The following OSBPL1A variants were observed in gnomAD, a reference collection of about 807,000 sequenced individuals.
OSBPL1A encodes oxysterol binding protein like 1A.
In OSBPL1A, 80 loss-of-function variants were observed where a neutral mutation model predicts 137.1. That is an observed-to-expected ratio of 0.58 (90% CI 0.49 to 0.70). The LOEUF is 0.70. Among genes scored for constraint, OSBPL1A ranks in the 30% least tolerant of loss-of-function variants. The probability of loss-of-function intolerance (pLI) is 0.00; values close to 1 mark genes in which losing one functional copy is unlikely to be tolerated. For missense variants in OSBPL1A, 970 were observed against 1,129.4 expected (o/e 0.86, Z 2.02); for synonymous variants, 365 against 389.7 (o/e 0.94, Z 0.75).
chr18:24,297,032 A>T (rs538477061), intron 14 of OSBPL1A, among the ~76,000 whole-genome samples: 6 of 152,124 alleles, frequency 3.9e-5, no homozygotes, highest in African/African-American at 7.2e-5. Flanking sequence ...TTTAGGGAGG[A>T]TTCCTTCTTT....
chr18:24,346,546 C>T (rs2091348685), intron 4 of OSBPL1A, among the ~76,000 whole-genome samples: 1 of 152,142 alleles, frequency 6.6e-6, no homozygotes, highest in African/African-American at 2.4e-5. Context: ...CTGGACATTT[C>T]TATAAATAAA....
intron 15 of OSBPL1A, among the ~76,000 whole-genome samples, chr18:24,252,705 T>C (rs1953779797): frequency 6.6e-6 from 1 of 152,124 alleles, no homozygotes; most frequent in African/African-American, 2.4e-5. Flanking sequence ...TTGTGGTGTG[T>C]AAACTACACC....
At chr18:24,281,598 C>T (rs1459664912) in intron 14 of OSBPL1A, among the ~76,000 whole-genome samples, 4 of 151,832 alleles carry the variant, frequency 2.6e-5, no homozygotes, top group African/African-American at 9.7e-5. Context: ...ACAACGTTGG[C>T]CAGGCTGGTC....
intron 1 of OSBPL1A, among the ~76,000 whole-genome samples, chr18:24,390,620 G>T (rs1436418612): frequency 6.9e-6 from 1 of 144,066 alleles, no homozygotes; most frequent in Non-Finnish European, 1.5e-5. Context: ...ACTTCAACCT[G>T]GGAGGCAGAG....
chr18:24,175,119 T>TATATATATATAC (rs2086405252), intron 21 of OSBPL1A, among the ~76,000 whole-genome samples: 1 of 128,538 alleles, frequency 7.8e-6, no homozygotes, highest in African/African-American at 3.5e-5. Flanking sequence ...TATATATATA[T>TATATATATATAC]ATATATATAT....
chr18:24,376,732 G>A (rs559981936), intron 2 of OSBPL1A, among the ~76,000 whole-genome samples: 2 of 152,368 alleles, frequency 1.3e-5, no homozygotes, highest in East Asian at 1.9e-4. Flanking sequence ...CCCGCAGGAA[G>A]GCAGCTAAGG....
intron 4 of OSBPL1A, among the ~76,000 whole-genome samples, chr18:24,344,839 G>A (rs1599693288): frequency 6.6e-6 from 1 of 152,164 alleles, no homozygotes; most frequent in Non-Finnish European, 1.5e-5. Flanking sequence ...GGGGGGAGAC[G>A]GTCTAGCTCT....
At chr18:24,392,902 G>A (rs1347195389) in intron 1 of OSBPL1A, among the ~76,000 whole-genome samples, 1 of 152,104 alleles carries the variant, frequency 6.6e-6, no homozygotes, top group Admixed American at 6.5e-5. Context: ...CATTGCCCAG[G>A]CTGGTCTCGA....
At chr18:24,248,444 C>G (rs2088970590) in intron 15 of OSBPL1A, among the ~76,000 whole-genome samples, 1 of 152,200 alleles carries the variant, frequency 6.6e-6, no homozygotes, top group Non-Finnish European at 1.5e-5. Flanking sequence ...CCCTTTCTTA[C>G]AGGCATTGCC....
chr18:24,208,036 C>T (rs1019073861), intron 17 of OSBPL1A, among the ~76,000 whole-genome samples: 4 of 152,296 alleles, frequency 2.6e-5, no homozygotes, highest in Admixed American at 2.0e-4. Flanking sequence ...TGAACCACCG[C>T]GCCCTGCCTA....
chr18:24,197,298 G>A (rs1204055493), intron 17 of OSBPL1A, among the ~76,000 whole-genome samples: 1 of 151,992 alleles, frequency 6.6e-6, no homozygotes, highest in Non-Finnish European at 1.5e-5. Flanking sequence ...AGTGAGCCGA[G>A]GTCACGCCAT....
intron 4 of OSBPL1A, among the ~76,000 whole-genome samples, chr18:24,351,815 T>C (rs564583499): frequency 1.3e-5 from 2 of 152,214 alleles, no homozygotes; most frequent in East Asian, 3.8e-4. Flanking sequence ...GCTGGGATTA[T>C]AGGCGTGAGC....
intron 21 of OSBPL1A, among the ~76,000 whole-genome samples, chr18:24,175,576 T>C (rs577961908): frequency 2.0e-5 from 3 of 152,352 alleles, no homozygotes; most frequent in South Asian, 2.1e-4. Flanking sequence ...AAATAATTTT[T>C]ACTATTCTAT....
In OSBPL1A at chr18:24,312,042, A is replaced by G. The variant is rs1178444974; in HGVS notation, c.1034T>C (p.Leu345Pro). Residue 345 changes from leucine to proline, a missense_variant, in exon 13 of 28, where the codon CTG becomes CCG. Leu to Pro is a moderately conservative substitution (Grantham distance 98). Transcript: ENST00000319481. The stretch of plus-strand genomic sequence containing the variant: ...CGTATCTTCCTCCTCCTCATCAGTC[A>G]GCTGGTCCTGGGAACAGTAGTGAGT... ...YSTHYCSQDQ[L>P]TDEEEEDTVS... The G allele has an allele frequency of 6.2e-7, 1 of 1,614,130 alleles. No homozygotes were observed. Among genetic ancestry groups the G allele is most frequent in the Admixed American group, 1.7e-5 (1 of 60,018 alleles).
chr18:24,348,476 A>T (rs2091384321), intron 4 of OSBPL1A, among the ~76,000 whole-genome samples: 1 of 152,214 alleles, frequency 6.6e-6, no homozygotes, highest in Non-Finnish European at 1.5e-5. Flanking sequence ...TATACAATAC[A>T]TAAAAACACC....
chr18:24,254,708 TA>T (rs2089217569), intron 15 of OSBPL1A, among the ~76,000 whole-genome samples: 1 of 152,144 alleles, frequency 6.6e-6, no homozygotes, highest in African/African-American at 2.4e-5. Flanking sequence ...TTTACAGCTC[TA>T]AGTGCCTACA....
At position 24,215,395 on chromosome 18, in the gene OSBPL1A, G is replaced by C. The variant is rs375845023; in HGVS notation, c.1601+9647C>G. On this transcript the variant is annotated intron_variant, in intron 17 of 27. Transcript: ENST00000319481. Reference sequence around the variant, plus strand: ...ACATATCACATTTTATGCAATCAATGTGTTTTGAAAAGAGCTGTGTATAAA... The same window carrying C: ...ACATATCACATTTTATGCAATCAATCTGTTTTGAAAAGAGCTGTGTATAAA... Among the ~76,000 whole-genome samples, 24 of 152,274 alleles carry C rather than the reference G, an allele frequency of 1.6e-4. No homozygotes were observed. The East Asian group carries it at 1.9e-3, about 12-fold the overall frequency.
At position 24,358,688 on chromosome 18, in the gene OSBPL1A, G is replaced by A. The variant is rs189502804; in HGVS notation, c.282+8204C>T. Among the ~76,000 whole-genome samples the A allele has an allele frequency of 6.4e-3, 975 of 152,054 alleles. 9 individuals are homozygous for A. The highest frequency in any genetic ancestry group is 0.023 in the African/African-American group (930 of 41,300). On this transcript the variant is annotated intron_variant, in intron 4 of 27. Transcript: ENST00000319481. ...ATTATACATATATTCTGTATGTTAG[G>A]TGAGATAGAGAGAATTTCTGAGACA...
chr18:24,227,668 C>T (rs1456771364), intron 16 of OSBPL1A, among the ~76,000 whole-genome samples: 3 of 151,892 alleles, frequency 2.0e-5, no homozygotes, highest in Admixed American at 6.6e-5. Context: ...AATTGGTGCT[C>T]GGGCGGAGGT....
Sources: allele counts gnomAD v4.1 joint callset (sites outside exome capture counted in the v4.1 genomes callset), GRCh38; gene constraint gnomAD v4.1.1; transcripts MANE v1.5; gene names NCBI Gene and HGNC (gene_info 2026-07-23, HGNC 2026-07-21).